The following YPEL2 variants were observed in gnomAD, a reference collection of about 807,000 sequenced individuals.
The protein encoded by YPEL2 is yippee like 2.
A neutral mutation model predicts 19.1 loss-of-function variants in YPEL2; 2 were observed. That is an observed-to-expected ratio of 0.10 (90% CI 0.04 to 0.33). The LOEUF is 0.33. YPEL2 is among the 10% of genes least tolerant of loss of function. YPEL2 has a pLI of 1.00. For synonymous variants in YPEL2, 52 were observed against 50.0 expected, an observed-to-expected ratio of 1.04 and a Z score of -0.17; for missense variants, 66 against 140.7, an observed-to-expected ratio of 0.47 and a Z score of 2.68.
intron 1 of YPEL2, among the ~76,000 whole-genome samples, chr17:59,352,005 G>C (rs1157481547): frequency 6.6e-6 from 1 of 152,178 alleles, no homozygotes; most frequent in South Asian, 2.1e-4. Flanking sequence ...TTTCGCCTTA[G>C]AAGATTTGGT....
intron 1 of YPEL2, among the ~76,000 whole-genome samples, chr17:59,341,645 C>G (rs1015188335): frequency 6.6e-6 from 1 of 151,650 alleles, no homozygotes; most frequent in Non-Finnish European, 1.5e-5. Flanking sequence ...GCAACAAGTG[C>G]GAAACAACGT....
chr17:59,394,296 GGGGCGGCC>G (rs2048025629), intron 4 of YPEL2, among the ~76,000 whole-genome samples: 3 of 151,680 alleles, frequency 2.0e-5, no homozygotes, highest in African/African-American at 7.3e-5. Context: ...CTTCTCAGAT[GGGGCGGCC>G]GGGCAGAGAC....
chr17:59,368,889 T>A (rs1190612731), intron 2 of YPEL2, among the ~76,000 whole-genome samples: 1 of 152,198 alleles, frequency 6.6e-6, no homozygotes, highest in Non-Finnish European at 1.5e-5. Flanking sequence ...TTATACAATG[T>A]TGATGTTGTG....
At chr17:59,355,526 G>GT (rs1163354264) in intron 2 of YPEL2, 4 of 152,172 alleles carry the variant, frequency 2.6e-5, no homozygotes, top group African/African-American at 9.7e-5. Context: ...GAATATGCAG[G>GT]TATGGGTGTT....
intron 2 of YPEL2, among the ~76,000 whole-genome samples, chr17:59,373,195 C>G (rs1035000656): frequency 4.6e-5 from 7 of 152,176 alleles, no homozygotes; most frequent in Admixed American, 2.6e-4. Context: ...TTGCAAACAT[C>G]TCAGGGCCAC....
chr17:59,347,009 A>C (rs778039303), intron 1 of YPEL2, among the ~76,000 whole-genome samples: 4 of 152,220 alleles, frequency 2.6e-5, no homozygotes, highest in African/African-American at 4.8e-5. Flanking sequence ...TCATTTCAAT[A>C]AATGGAGATG....
chr17:59,340,732 A>C (rs1398471189), intron 1 of YPEL2, among the ~76,000 whole-genome samples: 1 of 132,394 alleles, frequency 7.6e-6, no homozygotes, highest in Non-Finnish European at 1.6e-5. Flanking sequence ...TTTTTTTTTG[A>C]AATGGCGATG....
In YPEL2 at chr17:59,400,587, A is replaced by G. The variant is rs1442995343; in HGVS notation, c.*3397A>G. 2.6e-5 allele frequency: 4 copies of G among 152,396 alleles called. No homozygotes were observed. The highest frequency in any genetic ancestry group is 4.8e-5 in the African/African-American group (2 of 41,370). 9.4% of individuals were successfully genotyped at this position (152,396 alleles called of 1,614,324 possible). ...CCCAGTGGAACAGACTCTGCAGTAC[A>G]TTAATCAGGTTGAGAATTGAAATAT... is the stretch of plus-strand genomic sequence containing the variant. On this transcript the variant is annotated 3_prime_UTR_variant, in exon 5 of 5. Transcript: ENST00000312655.
intron 2 of YPEL2, chr17:59,363,313 T>C: frequency 4.7e-5 from 7 of 150,120 alleles, no homozygotes; most frequent in East Asian, 1.9e-4. Context: ...TTTTTTTTCT[T>C]TTTTTTTTTT....
chr17:59,351,815 C>T (rs1170541689), intron 1 of YPEL2, among the ~76,000 whole-genome samples: 1 of 152,290 alleles, frequency 6.6e-6, no homozygotes, highest in South Asian at 2.1e-4. Flanking sequence ...TGAGGAGCTT[C>T]CTTGGCTCAG....
chr17:59,346,786 G>A (rs73323198), intron 1 of YPEL2, among the ~76,000 whole-genome samples: 4,660 of 152,236 alleles, frequency 0.031, 254 homozygotes, highest in African/African-American at 0.11. Context: ...CACTAAGCCC[G>A]GTGTTGAGGT....
intron 2 of YPEL2, among the ~76,000 whole-genome samples, chr17:59,383,487 A>G (rs1416199567): frequency 7.0e-6 from 1 of 142,006 alleles, no homozygotes; most frequent in African/African-American, 2.6e-5. Context: ...AGTCCCAGCT[A>G]CTCGGGAGGC....
At chr17:59,374,104 C>G (rs139352216) in intron 2 of YPEL2, among the ~76,000 whole-genome samples, 1 of 152,126 alleles carries the variant, frequency 6.6e-6, no homozygotes, top group Non-Finnish European at 1.5e-5. Flanking sequence ...TGATGCAATC[C>G]CAGTTCAGAG....
chr17:59,362,783 T>C (rs987138314), intron 2 of YPEL2: 5 of 152,150 alleles, frequency 3.3e-5, no homozygotes, highest in African/African-American at 1.2e-4. Context: ...GGGTGCAGGA[T>C]CCCTCTGTTT....
chr17:59,383,539 A>AGTGAGCTGAGACCGCG (rs2047960691), intron 2 of YPEL2, among the ~76,000 whole-genome samples: 2 of 118,034 alleles, frequency 1.7e-5, no homozygotes, highest in South Asian at 3.2e-4. Flanking sequence ...TGGAGCTTGC[A>AGTGAGCTGAGACCGCG]CTCCAGCCTG....
At chr17:59,386,946 G>A (rs1013209664) in intron 2 of YPEL2, among the ~76,000 whole-genome samples, 1 of 152,166 alleles carries the variant, frequency 6.6e-6, no homozygotes, top group Non-Finnish European at 1.5e-5. Flanking sequence ...AGCTGCCCCA[G>A]AGGCAGTTTT....
At position 59,350,429 on chromosome 17, in the gene YPEL2, T is replaced by TG. The variant is rs551089078; in HGVS notation, c.-195-2782dup. Reference sequence around the variant, plus strand: ...CCTGTTTATTCATATTTAAGAGCAATGGGGAGCAGAGTGACCCTGCCACAG... The same window carrying TG: ...CCTGTTTATTCATATTTAAGAGCAATGGGGGAGCAGAGTGACCCTGCCACAG... On this transcript the variant is annotated intron_variant, in intron 1 of 4. Transcript: ENST00000312655. Among the ~76,000 whole-genome samples, 1,120 of 152,248 alleles carry TG rather than the reference T, an allele frequency of 7.4e-3. 3 individuals are homozygous for TG. The highest frequency in any genetic ancestry group is 0.012 in the Non-Finnish European group (805 of 68,002).
At position 59,381,154 on chromosome 17, in the gene YPEL2, C is replaced by T. The variant is rs966201968; in HGVS notation, c.118-7173C>T. On this transcript the variant is annotated intron_variant, in intron 2 of 4. Coordinates refer to ENST00000312655, the MANE Select transcript of YPEL2 (RefSeq NM_001005404.4). ...GTGGCAGCTCAGAGGTTAACTGACT[C>T]TTCCAGGGTCAAGTAGCTAATAAGT... 2.6e-5 allele frequency among the ~76,000 whole-genome samples: 4 copies of T among 152,376 alleles called. No homozygotes were observed. The East Asian group carries it at 7.7e-4, about 29-fold the overall frequency.
chr17:59,388,257 T>G, intron 2 of YPEL2, 70 bp from the exon 3 acceptor site: 2 of 1,478,438 alleles, frequency 1.4e-6, no homozygotes, highest in Non-Finnish European at 1.9e-6. Context: ...TTAACTGTGA[T>G]TGGGGTTGGT....
Sources: gnomAD v4.1 joint callset for allele counts (sites outside exome capture counted in the v4.1 genomes callset) on GRCh38, gnomAD v4.1.1 for gene constraint, MANE v1.5 for transcripts, NCBI Gene and HGNC (gene_info 2026-07-23, HGNC 2026-07-21) for gene names.